TRIM54: variants seen among roughly 807,000 people sequenced by gnomAD.
TRIM54 encodes the protein tripartite motif containing 54.
Under a neutral mutation model 42.0 loss-of-function variants are expected in TRIM54, and 40 were observed. The observed-to-expected ratio is 0.95, with a 90% CI of 0.74 to 1.24. TRIM54 has a LOEUF of 1.24. Ranked by LOEUF, TRIM54 falls within the 50% of genes most tolerant of loss-of-function variation. The pLI is 0.00. For missense variants in TRIM54, 485 were observed against 480.3 expected (o/e 1.01, Z -0.09); for synonymous variants, 199 against 194.9 (o/e 1.02, Z -0.17).
intron 3 of TRIM54, among the ~76,000 whole-genome samples, chr2:27,300,323 CA>C: frequency 6.6e-6 from 1 of 152,168 alleles, no homozygotes; most frequent in Admixed American, 6.5e-5. Flanking sequence ...AGGCGCCTAC[CA>C]CCATGTCCAG....
Position 27,297,211 on chromosome 2 carries a change from G to C in TRIM54, c.169-1356G>C, listed in dbSNP as rs148080932. ...TTTTCTCTGTAGACCAGCCTTCTCT[G>C]TTCAGTTTCTGACCCCTTACACTTT... On this transcript the variant is annotated intron_variant, in intron 1 of 8. Transcript: ENST00000380075. Among the ~76,000 whole-genome samples the C allele has an allele frequency of 2.7e-3, 408 of 152,314 alleles. 5 individuals are homozygous for C. Among genetic ancestry groups the C allele is most frequent in the Non-Finnish European group, 9.8e-4 (67 of 68,030 alleles).
At chr2:27,300,361 CG>C (rs1191658130) in intron 3 of TRIM54, among the ~76,000 whole-genome samples, 5 of 151,610 alleles carry the variant, frequency 3.3e-5, no homozygotes, top group Non-Finnish European at 7.4e-5. Context: ...TTAGTAGAGA[CG>C]GGGCTTCACC....
rs1678412972 is a variant in TRIM54 at position 27,282,617 on chromosome 2, T to A, written c.-115T>A. On this transcript the variant is annotated 5_prime_UTR_variant, in exon 1 of 9. Transcript: ENST00000380075. Reference sequence around the variant, plus strand: ...AAAGGGACAGGAGAGAAAGCAGAGCTATTTCAAGAGTGAGCCACAGAAGGG... The same window carrying A: ...AAAGGGACAGGAGAGAAAGCAGAGCAATTTCAAGAGTGAGCCACAGAAGGG... 2 of 1,143,390 alleles carry A rather than the reference T, an allele frequency of 1.7e-6. No individual in the cohort carries two copies. Among genetic ancestry groups the A allele is most frequent in the Non-Finnish European group, 2.4e-6 (2 of 816,806 alleles). The allele number at this position is 1,143,390 out of a possible 1,614,324, so 70.8% of individuals were successfully genotyped here. A position where few individuals can be genotyped will look rare whatever the true frequency, so the allele number is the denominator to read the frequency against.
Position 27,306,507 on chromosome 2 carries a change from C to G in TRIM54, c.1043C>G (p.Ala348Gly). The G allele has an allele frequency of 6.4e-7, 1 of 1,572,790 alleles. No homozygotes were observed. The highest frequency in any genetic ancestry group is 8.6e-7 in the Non-Finnish European group (1 of 1,158,672). ...EVAPDGEEGS[A>G]GPEEERPDGP ...GCCCCAGACGGAGAGGAGGGCAGCG[C>G]GGGGCCGGAGGAAGAGCGGCCGGAT... is the stretch of plus-strand genomic sequence containing the variant. Residue 348 changes from alanine (A) to glycine (G), a missense_variant, in exon 8 of 9, where the codon GCG (alanine) becomes GGG (glycine). Coordinates refer to ENST00000380075, the MANE Select transcript of TRIM54 (RefSeq NM_187841.3). This position sits in a 1 kb window ranked among gnomAD's most constrained non-coding sequence, Gnocchi z 6.1.
intron 1 of TRIM54, among the ~76,000 whole-genome samples, chr2:27,284,994 G>C (rs1572516068): frequency 6.6e-6 from 1 of 152,162 alleles, no homozygotes; most frequent in East Asian, 1.9e-4. Context: ...AGAGACCTTG[G>C]AATGGCTTGG....
intron 1 of TRIM54, among the ~76,000 whole-genome samples, chr2:27,294,951 A>G (rs1678823542): frequency 1.3e-5 from 2 of 151,650 alleles, no homozygotes; most frequent in Admixed American, 1.3e-4. Context: ...GATTAAGTGA[A>G]TTAATACAAA....
At position 27,282,767 on chromosome 2, in the gene TRIM54, G is replaced by T; in HGVS notation, c.36G>T (p.Gly12=). 1 of 1,613,400 alleles carries T rather than the reference G, an allele frequency of 6.2e-7. No individual in the cohort carries two copies. The highest frequency in any genetic ancestry group is 8.5e-7 in the Non-Finnish European group (1 of 1,179,692). ...CAGTGGGTTTCAAGCCGCTGCTAGG[G>T]GATGCACACAGCATGGACAACCTGG... The part of the protein sequence containing the change: ...NFTVGFKPLL[G]DAHSMDNLEK... The change falls in exon 1 of 9, where the codon GGG becomes GGT. Residue 12 remains glycine (G), a synonymous_variant. Coordinates refer to ENST00000380075, the MANE Select transcript of TRIM54 (RefSeq NM_187841.3).
intron 3 of TRIM54, among the ~76,000 whole-genome samples, chr2:27,300,581 G>T (rs1004935999): frequency 6.7e-6 from 1 of 150,278 alleles, no homozygotes; most frequent in African/African-American, 2.4e-5. Context: ...AGTAGTAGTA[G>T]TACTAATAAT....
At position 27,306,425 on chromosome 2, in the gene TRIM54, C is replaced by T. The variant is rs375536618; in HGVS notation, c.992-31C>T. 34 of 1,608,378 alleles carry T rather than the reference C, an allele frequency of 2.1e-5. No individual in the cohort carries two copies. The highest frequency in any genetic ancestry group is 6.7e-5 in the African/African-American group (5 of 74,938). On this transcript the variant is annotated intron_variant, in intron 7 of 8. Transcript: ENST00000380075. This position sits in a 1 kb window ranked among gnomAD's most constrained non-coding sequence, Gnocchi z 6.1. ...GGCACGATGGCCGTAAAGGCAGGGA[C>T]TCCACCTCACCAGGCCTTCCTTGGG... is the stretch of plus-strand genomic sequence containing the variant.
intron 1 of TRIM54, among the ~76,000 whole-genome samples, chr2:27,290,081 A>G (rs2148191166): frequency 6.6e-6 from 1 of 151,670 alleles, no homozygotes; most frequent in Non-Finnish European, 1.5e-5. Flanking sequence ...CATGTTGGCC[A>G]GGCTGGTCTC....
In TRIM54 at chr2:27,304,945, T is replaced by A. The variant is rs1306726545; in HGVS notation, c.514-14T>A. 6.2e-7 allele frequency: 1 copy of A among 1,612,540 alleles called. No individual in the cohort carries two copies. Among genetic ancestry groups the A allele is most frequent in the East Asian group, 2.2e-5 (1 of 44,862 alleles). ...CAGGTCCCAGCTCTGAGTGCTGACC[T>A]GTGTGTGTATCAGAGTGAGCTCAGC... On this transcript the variant is annotated splice_polypyrimidine_tract_variant and intron_variant, in intron 3 of 8. Transcript: ENST00000380075.
chr2:27,282,568 C>T lies in TRIM54; in HGVS notation c.-164C>T. On this transcript the variant is annotated 5_prime_UTR_variant, in exon 1 of 9. Transcript: ENST00000380075. Reference sequence around the variant, plus strand: ...GAAAGTAGAGACTGTCCGAAGACTGCTATCTGGGACGAGACAAGTTGTTAA... The same window carrying T: ...GAAAGTAGAGACTGTCCGAAGACTGTTATCTGGGACGAGACAAGTTGTTAA... The T allele has an allele frequency of 1.5e-6, 1 of 684,896 alleles. No homozygotes were observed. The highest frequency in any genetic ancestry group is 3.1e-5 in the Admixed American group (1 of 32,786). 42.4% of individuals were successfully genotyped at this position (684,896 alleles called of 1,614,324 possible). A position where few individuals can be genotyped will look rare whatever the true frequency, so the allele number is the denominator to read the frequency against.
chr2:27,294,241 A>AT (rs1678804259), intron 1 of TRIM54, among the ~76,000 whole-genome samples: 1 of 151,756 alleles, frequency 6.6e-6, no homozygotes, highest in Non-Finnish European at 1.5e-5. Context: ...TGATCCTCCC[A>AT]CCTCAGCCTC....
Position 27,306,541 on chromosome 2 carries a change from A to G in TRIM54, c.1077A>G (p.Ter359=), listed in dbSNP as rs1044407193. The change falls in exon 8 of 9, where the codon TAA becomes TAG. Residue 359 remains the stop codon, a splice_region_variant and stop_retained_variant. Transcript: ENST00000380075. This position sits in a 1 kb window ranked among gnomAD's most constrained non-coding sequence, Gnocchi z 6.1. ...AGGAAGAGCGGCCGGATGGGCCTTA[A>G]GGTGAGAGCCGCCCGATGGGCCTTA... The part of the protein sequence containing the change: ...GPEEERPDGP[*] 9.7e-6 allele frequency: 15 copies of G among 1,545,974 alleles called. No individual in the cohort carries two copies. The highest frequency in any genetic ancestry group is 1.4e-5 in the African/African-American group (1 of 73,004).
chr2:27,305,968 G>T, intron 5 of TRIM54, 112 bp from the exon 6 acceptor site: 1 of 1,474,494 alleles, frequency 6.8e-7, no homozygotes, highest in Non-Finnish European at 9.3e-7. Flanking sequence ...TCTGCTTAAC[G>T]AATTGGGACG....
intron 1 of TRIM54, among the ~76,000 whole-genome samples, chr2:27,283,819 C>CACACACAT: frequency 6.6e-6 from 1 of 151,508 alleles, no homozygotes; most frequent in Non-Finnish European, 1.5e-5. Flanking sequence ...CACACACACA[C>CACACACAT]ACGGCCTTGC....
chr2:27,304,223 T>TATAG (rs34719198), intron 3 of TRIM54, among the ~76,000 whole-genome samples: 5,032 of 139,226 alleles, frequency 0.036, 115 homozygotes, highest in Middle Eastern at 0.064. Context: ...AATATATATA[T>TATAG]ATAGATAGAT....
chr2:27,302,275 C>T (rs1343308761), intron 3 of TRIM54, among the ~76,000 whole-genome samples: 7 of 150,144 alleles, frequency 4.7e-5, no homozygotes, highest in Non-Finnish European at 1.0e-4. Context: ...ACGGTGAAAC[C>T]CCATTTCTAC....
At chr2:27,301,618 G>A (rs567549530) in intron 3 of TRIM54, among the ~76,000 whole-genome samples, 203 of 152,272 alleles carry the variant, frequency 1.3e-3, no homozygotes, top group African/African-American at 4.5e-3. Context: ...TCTCATTGGC[G>A]TCTTGGTTTT....
Sources: gnomAD v4.1 joint callset for allele counts (sites outside exome capture counted in the v4.1 genomes callset) on GRCh38, gnomAD v4.1.1 for gene constraint, Gnocchi (gnomAD v3.1) non-coding constraint, MANE v1.5 for transcripts, NCBI Gene and HGNC (gene_info 2026-07-23, HGNC 2026-07-21) for gene names.